The following ZBTB20 variants were observed in gnomAD, a reference collection of about 807,000 sequenced individuals.
The protein encoded by ZBTB20 is zinc finger and BTB domain containing 20.
A neutral mutation model predicts 56.9 loss-of-function variants in ZBTB20; 9 were observed. That is an observed-to-expected ratio of 0.16 (90% CI 0.10 to 0.28). The LOEUF (loss-of-function observed/expected upper bound fraction) is 0.28, where lower values mean the gene tolerates loss of function less well. Among genes scored for constraint, ZBTB20 ranks in the 10% least tolerant of loss-of-function variants. ZBTB20 has a pLI of 1.00. For missense variants in ZBTB20, 655 were observed against 1,003.0 expected (o/e 0.65, Z 4.69); for synonymous variants, 417 against 420.7 (o/e 0.99, Z 0.11).
chr3:114,844,535 A>AAAAC (rs2074572978), intron 4 of ZBTB20, among the ~76,000 whole-genome samples: 1 of 139,926 alleles, frequency 7.1e-6, no homozygotes, highest in Non-Finnish European at 1.5e-5. Context: ...AAAAAAAAAA[A>AAAAC]AAAAAAAAAA....
intron 6 of ZBTB20, among the ~76,000 whole-genome samples, chr3:114,566,295 A>G (rs749704242): frequency 3.3e-5 from 5 of 152,178 alleles, no homozygotes; most frequent in Non-Finnish European, 5.9e-5. Flanking sequence ...GGGCATGCCG[A>G]GTTTCCCTCA....
At chr3:114,538,403 T>C (rs2048728683) in intron 6 of ZBTB20, among the ~76,000 whole-genome samples, 1 of 152,156 alleles carries the variant, frequency 6.6e-6, no homozygotes, top group African/African-American at 2.4e-5. Context: ...CCCAGTGTGA[T>C]ATATTTATCA....
At chr3:114,959,179 GT>G (rs1576426202) in intron 3 of ZBTB20, among the ~76,000 whole-genome samples, 1 of 152,108 alleles carries the variant, frequency 6.6e-6, no homozygotes, top group Admixed American at 6.5e-5. Context: ...ACTAAAGAGT[GT>G]TTTTAAAACA....
intron 2 of ZBTB20, among the ~76,000 whole-genome samples, chr3:114,992,060 C>T (rs1453695273): frequency 1.3e-5 from 2 of 151,846 alleles, no homozygotes; most frequent in Non-Finnish European, 2.9e-5. Context: ...CTCTCTCCAC[C>T]TAAACTTTTC....
chr3:114,968,370 G>A (rs539381484), intron 3 of ZBTB20, among the ~76,000 whole-genome samples: 1 of 152,252 alleles, frequency 6.6e-6, no homozygotes, highest in South Asian at 2.1e-4. Flanking sequence ...GATTATTTGT[G>A]AGTAATTTGA....
chr3:115,137,727 C>T (rs951238879), intron 1 of ZBTB20, among the ~76,000 whole-genome samples: 4 of 151,942 alleles, frequency 2.6e-5, no homozygotes, highest in Non-Finnish European at 4.4e-5. Context: ...CCCTCATATC[C>T]ATCACATCCT....
intron 1 of ZBTB20, among the ~76,000 whole-genome samples, chr3:115,117,204 T>C (rs763074817): frequency 2.0e-5 from 3 of 152,148 alleles, no homozygotes; most frequent in African/African-American, 7.2e-5. Flanking sequence ...TGTTTGGATT[T>C]TGAAATGTGT....
chr3:114,693,081 G>A (rs912978141), intron 6 of ZBTB20, among the ~76,000 whole-genome samples: 1 of 152,086 alleles, frequency 6.6e-6, no homozygotes, highest in East Asian at 1.9e-4. Context: ...TGTGTTTGGA[G>A]GGTTTTGAGT....
At position 114,635,208 on chromosome 3, in the gene ZBTB20, C is replaced by T. The variant is rs148492266; in HGVS notation, c.-295+58320G>A. 5.3e-5 allele frequency among the ~76,000 whole-genome samples: 8 copies of T among 152,258 alleles called. No individual in the cohort carries two copies. In the East Asian group the frequency reaches 1.4e-3, roughly 26 times the overall value. On this transcript the variant is annotated intron_variant, in intron 6 of 11. Transcript: ENST00000675478. ...GTATAATAAGAAAAAAACATAGAAC[C>T]GAGCCTTTTCCTTGAGAAGGCAAGG...
At chr3:114,787,417 GTACACATATA>G (rs1393596520) in intron 5 of ZBTB20, among the ~76,000 whole-genome samples, 2 of 141,090 alleles carry the variant, frequency 1.4e-5, no homozygotes, top group Admixed American at 7.1e-5. Flanking sequence ...ATATACGTGT[GTACACATATA>G]TACACGTATA....
intron 2 of ZBTB20, among the ~76,000 whole-genome samples, chr3:115,015,012 C>T (rs1472834122): frequency 1.3e-5 from 2 of 151,690 alleles, no homozygotes; most frequent in Non-Finnish European, 2.9e-5. Context: ...ATTTGTAGTT[C>T]TGTTATGAGG....
intron 6 of ZBTB20, among the ~76,000 whole-genome samples, chr3:114,597,229 T>C (rs1293690555): frequency 1.3e-5 from 2 of 152,278 alleles, no homozygotes; most frequent in South Asian, 2.1e-4. Context: ...AGTGGGTTTA[T>C]TGCACGATAT....
At chr3:114,360,573 G>A (rs1276323279) in intron 10 of ZBTB20, among the ~76,000 whole-genome samples, 1 of 150,548 alleles carries the variant, frequency 6.6e-6, no homozygotes, top group African/African-American at 2.4e-5. Context: ...GGCTGGTCTC[G>A]AACTCCTTAC....
chr3:115,136,236 C>T (rs2084649499), intron 1 of ZBTB20, among the ~76,000 whole-genome samples: 1 of 152,124 alleles, frequency 6.6e-6, no homozygotes, highest in South Asian at 2.1e-4. Flanking sequence ...TGTACAAACA[C>T]GTTGGGTCTT....
At chr3:114,990,204 G>T (rs952047896) in intron 2 of ZBTB20, among the ~76,000 whole-genome samples, 194 of 152,238 alleles carry the variant, frequency 1.3e-3, no homozygotes, top group African/African-American at 4.0e-3. Flanking sequence ...AATGCTTCCA[G>T]TTTTTGCCCA....
intron 2 of ZBTB20, among the ~76,000 whole-genome samples, chr3:114,990,890 C>T (rs1157173255): frequency 6.6e-6 from 1 of 152,124 alleles, no homozygotes; most frequent in African/African-American, 2.4e-5. Context: ...AGTTTATTTG[C>T]ATAGAGGTGT....
At chr3:115,090,046 G>A (rs182098683) in intron 1 of ZBTB20, among the ~76,000 whole-genome samples, 1 of 151,892 alleles carries the variant, frequency 6.6e-6, no homozygotes, top group East Asian at 1.9e-4. Flanking sequence ...AGGATCTTTG[G>A]TGTAGTTTTT....
At chr3:114,964,458 A>C (rs182038422) in intron 3 of ZBTB20, among the ~76,000 whole-genome samples, 206 of 152,262 alleles carry the variant, frequency 1.4e-3, no homozygotes, top group African/African-American at 4.7e-3. Context: ...ACTATGCTAC[A>C]ATATGGTAAA....
At chr3:115,044,037 C>T (rs928353673) in intron 2 of ZBTB20, among the ~76,000 whole-genome samples, 11 of 152,194 alleles carry the variant, frequency 7.2e-5, no homozygotes, top group African/African-American at 2.4e-4. Flanking sequence ...ACCTGCTCCT[C>T]CTTTGCCTTC....
Sources: gnomAD v4.1 joint callset for allele counts (sites outside exome capture counted in the v4.1 genomes callset) on GRCh38, gnomAD v4.1.1 for gene constraint, MANE v1.5 for transcripts, NCBI Gene and HGNC (gene_info 2026-07-23, HGNC 2026-07-21) for gene names.